PTPN9: variants seen among roughly 807,000 people sequenced by gnomAD.
PTPN9 encodes protein tyrosine phosphatase non-receptor type 9.
In PTPN9, 26 loss-of-function variants were observed where a neutral mutation model predicts 69.8. That is an observed-to-expected ratio of 0.37 (90% CI 0.27 to 0.52). The LOEUF (loss-of-function observed/expected upper bound fraction) is 0.52. Among genes scored for constraint, PTPN9 ranks in the 20% least tolerant of loss-of-function variants. The pLI is 0.91. For missense variants in PTPN9, 549 were observed against 740.3 expected, an observed-to-expected ratio of 0.74 and a Z score of 3.00; for synonymous variants, 274 against 272.5, an observed-to-expected ratio of 1.01 and a Z score of -0.05.
At chr15:75,576,481 G>A (rs910574905) in intron 1 of PTPN9, among the ~76,000 whole-genome samples, 2 of 151,002 alleles carry the variant, frequency 1.3e-5, no homozygotes, top group Non-Finnish European at 3.0e-5. Context: ...GCAGTGAGCC[G>A]AGATCACGCC....
chr15:75,566,025 G>T (rs573463289), intron 1 of PTPN9, among the ~76,000 whole-genome samples: 47 of 152,016 alleles, frequency 3.1e-4, no homozygotes, highest in Non-Finnish European at 6.3e-4. Flanking sequence ...AAAAAGAAAA[G>T]TTTCCTGTAT....
At position 75,505,830 on chromosome 15, in the gene PTPN9, A is replaced by G. The variant is rs139732361; in HGVS notation, c.813T>C (p.Pro271=). 3.1e-6 allele frequency: 5 copies of G among 1,614,220 alleles called. No homozygotes were observed. The Admixed American group carries it at 5.0e-5, about 16-fold the overall frequency. The change falls in exon 7 of 13, where the codon CCT becomes CCC. Residue 271 remains proline, a synonymous_variant. Coordinates refer to ENST00000618819, the MANE Select transcript of PTPN9 (RefSeq NM_002833.4). Reference sequence around the variant, plus strand: ...CATGTACTGAGTCCCAGTCTAAGGCAGGAGGGAGGGAGAACAGGATGATCT... The same window carrying G: ...CATGTACTGAGTCCCAGTCTAAGGCGGGAGGGAGGGAGAACAGGATGATCT... ...FDEIILFSLP[P]ALDWDSVHVP...
chr15:75,562,840 T>C (rs956718903), intron 1 of PTPN9, among the ~76,000 whole-genome samples: 8 of 129,554 alleles, frequency 6.2e-5, no homozygotes, highest in Non-Finnish European at 1.4e-4. Flanking sequence ...AGCAAAACAA[T>C]ACCTGCTTCG....
intron 7 of PTPN9, among the ~76,000 whole-genome samples, chr15:75,493,481 C>A (rs1446883134): frequency 2.6e-5 from 4 of 151,894 alleles, no homozygotes; most frequent in South Asian, 2.1e-4. Flanking sequence ...GAAAAACTGG[C>A]CAGGCACAGT....
At chr15:75,526,915 T>C (rs1239829872) in intron 2 of PTPN9, among the ~76,000 whole-genome samples, 1 of 152,186 alleles carries the variant, frequency 6.6e-6, no homozygotes, top group Admixed American at 6.6e-5. Context: ...TGGTCTACGA[T>C]CAAAACTTAG....
chr15:75,548,722 T>G (rs1426660730), intron 1 of PTPN9, among the ~76,000 whole-genome samples: 1 of 149,544 alleles, frequency 6.7e-6, no homozygotes, highest in Non-Finnish European at 1.5e-5. Context: ...GGCGCGATCT[T>G]GGCTCACTGC....
intron 8 of PTPN9, among the ~76,000 whole-genome samples, chr15:75,486,674 G>A (rs762833146): frequency 1.1e-4 from 16 of 151,808 alleles, no homozygotes; most frequent in African/African-American, 3.9e-4. Flanking sequence ...TAAAAAACCT[G>A]AATCCTCCAA....
At chr15:75,476,343 A>T (rs1217548259) in intron 9 of PTPN9, among the ~76,000 whole-genome samples, 1 of 152,014 alleles carries the variant, frequency 6.6e-6, no homozygotes, top group East Asian at 1.9e-4. Flanking sequence ...GAGACCGAGT[A>T]TCACTCTGTC....
chr15:75,561,005 TGA>T (rs1191111507), intron 1 of PTPN9, among the ~76,000 whole-genome samples: 1 of 119,828 alleles, frequency 8.3e-6, no homozygotes, highest in Non-Finnish European at 1.7e-5. Flanking sequence ...GGTGACAGAG[TGA>T]GAGTAAAAAA....
rs547836130 is a variant in PTPN9 at position 75,470,797 on chromosome 15, C to G, written c.1242G>C (p.Gln414His). ...FEEGGRRKCG[Q>H]YWPLEKDSRI... The stretch of plus-strand genomic sequence containing the variant: ...GAGAGTCTTTTTCTAAAGGCCAGTA[C>G]TGGCCACACTTTCTCCTGCCGCCTT... The change falls in exon 11 of 13, where the codon CAG becomes CAC. Residue 414 changes from glutamine to histidine, a missense_variant. By Grantham distance (24) the Gln-to-His change is conservative. This residue lies in a region of PTPN9 where 457 missense variants were observed against 661.9 expected (regional missense o/e 0.69). Coordinates refer to ENST00000618819, the MANE Select transcript of PTPN9 (RefSeq NM_002833.4). The G allele has an allele frequency of 6.2e-7, 1 of 1,614,218 alleles. No individual in the cohort carries two copies. Among genetic ancestry groups the G allele is most frequent in the Admixed American group, 1.7e-5 (1 of 60,012 alleles).
intron 7 of PTPN9, among the ~76,000 whole-genome samples, chr15:75,491,748 T>TC (rs1230070396): frequency 1.5e-5 from 2 of 131,772 alleles, no homozygotes; most frequent in Non-Finnish European, 3.2e-5. Flanking sequence ...TTTGATGAGG[T>TC]CTCAGACAGA....
At chr15:75,522,919 A>G (rs1332904620) in intron 4 of PTPN9, among the ~76,000 whole-genome samples, 2 of 152,326 alleles carry the variant, frequency 1.3e-5, no homozygotes, top group East Asian at 1.9e-4. Context: ...CATAGAGCCA[A>G]GGTGGTAAAG....
chr15:75,506,808 CTT>C (rs1480169473), intron 6 of PTPN9, among the ~76,000 whole-genome samples: 1 of 152,104 alleles, frequency 6.6e-6, no homozygotes, highest in African/African-American at 2.4e-5. Context: ...AAGCTCATCT[CTT>C]TTGCTGTCGC....
At chr15:75,472,827 A>T (rs1251369862) in intron 10 of PTPN9, among the ~76,000 whole-genome samples, 3 of 151,682 alleles carry the variant, frequency 2.0e-5, no homozygotes, top group Non-Finnish European at 4.4e-5. Flanking sequence ...ACATGCCCGT[A>T]ATCCTAGCTA....
chr15:75,533,193 T>G (rs771871505), intron 1 of PTPN9, among the ~76,000 whole-genome samples: 1 of 152,146 alleles, frequency 6.6e-6, no homozygotes, highest in African/African-American at 2.4e-5. Context: ...AGGTCTGAAT[T>G]GATATATGGA....
intron 1 of PTPN9, among the ~76,000 whole-genome samples, chr15:75,550,939 C>T (rs2075054281): frequency 6.6e-6 from 1 of 151,954 alleles, no homozygotes; most frequent in African/African-American, 2.4e-5. Flanking sequence ...AGTCAATGTG[C>T]CTGGCCAAAA....
rs539035492 is a variant in PTPN9 at position 75,511,434 on chromosome 15, A to C, written c.529-2407T>G. 2.6e-5 allele frequency among the ~76,000 whole-genome samples: 4 copies of C among 151,982 alleles called. No homozygotes were observed. In the South Asian group the frequency reaches 8.3e-4, roughly 32 times the overall value. On this transcript the variant is annotated intron_variant, in intron 5 of 12. Coordinates refer to ENST00000618819, the MANE Select transcript of PTPN9 (RefSeq NM_002833.4). ...TGTATTTTTGTAGAATAAAAATACA[A>C]ATGGTTTCATCGTGTTGCCCAGGCT...
Position 75,482,392 on chromosome 15 carries a change from C to G in PTPN9, c.1063-2478G>C, listed in dbSNP as rs1468516590. On this transcript the variant is annotated intron_variant, in intron 8 of 12. Coordinates refer to ENST00000618819, the MANE Select transcript of PTPN9 (RefSeq NM_002833.4). ...CATCCTGGCTAACACGGTGAAACCCCGTCTCTACTAAAAATACAAAAGATT... is the reference window on the plus strand; with the variant it reads ...CATCCTGGCTAACACGGTGAAACCCGGTCTCTACTAAAAATACAAAAGATT... Among the ~76,000 whole-genome samples, 6 of 152,038 alleles carry G rather than the reference C, an allele frequency of 3.9e-5. No homozygotes were observed. In the South Asian group the frequency reaches 8.3e-4, roughly 21 times the overall value.
At chr15:75,473,999 G>A (rs994628276) in intron 9 of PTPN9, among the ~76,000 whole-genome samples, 6 of 152,048 alleles carry the variant, frequency 3.9e-5, no homozygotes, top group South Asian at 2.1e-4. Context: ...CAGGTGAGTC[G>A]TAGGTAGGTT....
Sources: allele counts gnomAD v4.1 joint callset (sites outside exome capture counted in the v4.1 genomes callset), GRCh38; gene constraint gnomAD v4.1.1; regional missense constraint gnomAD v4.1.1; transcripts MANE v1.5; gene names NCBI Gene and HGNC (gene_info 2026-07-23, HGNC 2026-07-21).